The following CNTN4 variants were observed in gnomAD, a reference collection of about 807,000 sequenced individuals.
CNTN4 encodes contactin-4.
CNTN4 carries 77 observed loss-of-function variants against 122.5 expected under a neutral mutation model. That is an observed-to-expected ratio of 0.63 (90% confidence interval 0.52 to 0.76). The LOEUF is 0.76. CNTN4 is among the 30% of genes least tolerant of loss of function. The pLI is 0.00. For missense variants in CNTN4, 1,256 were observed against 1,259.1 expected, an observed-to-expected ratio of 1.00 and a Z score of 0.04; for synonymous variants, 512 against 447.0, an observed-to-expected ratio of 1.15 and a Z score of -1.83.
At chr3:2,842,242 A>G (rs572733053) in intron 7 of CNTN4, among the ~76,000 whole-genome samples, 1 of 152,202 alleles carries the variant, frequency 6.6e-6, no homozygotes, top group Admixed American at 6.5e-5. Context: ...ATGCTGCAAT[A>G]ATCCAAGTAA....
intron 4 of CNTN4, among the ~76,000 whole-genome samples, chr3:2,699,497 T>C (rs2086237282): frequency 1.3e-5 from 2 of 152,204 alleles, no homozygotes; most frequent in Non-Finnish European, 2.9e-5. Flanking sequence ...TGAGAATAGA[T>C]TTGCACCTAA....
intron 3 of CNTN4, among the ~76,000 whole-genome samples, chr3:2,469,431 C>G (rs2075611091): frequency 6.6e-6 from 1 of 152,192 alleles, no homozygotes; most frequent in African/African-American, 2.4e-5. Context: ...CATAGCTGAA[C>G]ATGATGCCTT....
intron 4 of CNTN4, among the ~76,000 whole-genome samples, chr3:2,579,470 A>C (rs978807871): frequency 5.9e-5 from 9 of 152,168 alleles, no homozygotes; most frequent in Non-Finnish European, 8.8e-5. Flanking sequence ...CCGAAATTAC[A>C]TAGATAGGTC....
chr3:2,280,879 G>A (rs943299473), intron 2 of CNTN4, among the ~76,000 whole-genome samples: 1 of 152,144 alleles, frequency 6.6e-6, no homozygotes, highest in East Asian at 1.9e-4. Context: ...GATCATCTGG[G>A]GAATGCACGT....
chr3:2,622,878 T>C (rs898958801), intron 4 of CNTN4, among the ~76,000 whole-genome samples: 4 of 152,186 alleles, frequency 2.6e-5, no homozygotes, highest in Non-Finnish European at 4.4e-5. Context: ...CCAGCACTCT[T>C]AGGGATTAGA....
intron 12 of CNTN4, among the ~76,000 whole-genome samples, chr3:2,917,009 A>C (rs189157744): frequency 8.0e-6 from 1 of 125,178 alleles, no homozygotes. Flanking sequence ...CAGCCTGGGC[A>C]CCATTGAGCA....
chr3:2,304,360 G>A (rs1371284472), intron 2 of CNTN4, among the ~76,000 whole-genome samples: 3 of 152,014 alleles, frequency 2.0e-5, no homozygotes, highest in Non-Finnish European at 4.4e-5. Flanking sequence ...TTAATTACAC[G>A]TTATAAACAT....
chr3:2,323,132 C>A (rs1426497105), intron 2 of CNTN4, among the ~76,000 whole-genome samples: 1 of 152,142 alleles, frequency 6.6e-6, no homozygotes, highest in African/African-American at 2.4e-5. Flanking sequence ...ATAACAACAA[C>A]CATATACCTG....
intron 3 of CNTN4, among the ~76,000 whole-genome samples, chr3:2,439,752 A>G (rs994299839): frequency 2.6e-5 from 4 of 152,106 alleles, no homozygotes; most frequent in Non-Finnish European, 5.9e-5. Flanking sequence ...AGAGAAGAGC[A>G]ATAAAACAGA....
chr3:2,261,319 C>G (rs891221628), intron 2 of CNTN4, among the ~76,000 whole-genome samples: 5 of 152,132 alleles, frequency 3.3e-5, no homozygotes, highest in African/African-American at 1.2e-4. Flanking sequence ...ACGTTGGTTT[C>G]TCTATTACTT....
intron 2 of CNTN4, among the ~76,000 whole-genome samples, chr3:2,180,620 C>A (rs2036973108): frequency 6.6e-6 from 1 of 151,970 alleles, no homozygotes; most frequent in African/African-American, 2.4e-5. Flanking sequence ...TTTCCCAGTC[C>A]AGTTTCTTGA....
intron 3 of CNTN4, among the ~76,000 whole-genome samples, chr3:2,531,960 A>G (rs1417471671): frequency 6.6e-6 from 1 of 152,162 alleles, no homozygotes; most frequent in Non-Finnish European, 1.5e-5. Flanking sequence ...TAGAATTACA[A>G]CTGAGCCAGC....
At chr3:2,249,081 A>G (rs2040266974) in intron 2 of CNTN4, among the ~76,000 whole-genome samples, 1 of 151,980 alleles carries the variant, frequency 6.6e-6, no homozygotes, top group Admixed American at 6.6e-5. Context: ...CATTACATAT[A>G]TTGAAACATC....
At chr3:2,265,967 T>TGG (rs2041027556) in intron 2 of CNTN4, among the ~76,000 whole-genome samples, 1 of 152,092 alleles carries the variant, frequency 6.6e-6, no homozygotes. Context: ...GAGTTTTTCG[T>TGG]GGAGTCTTTA....
intron 3 of CNTN4, among the ~76,000 whole-genome samples, chr3:2,410,613 G>T (rs962645616): frequency 2.6e-5 from 4 of 152,124 alleles, no homozygotes; most frequent in Admixed American, 2.6e-4. Flanking sequence ...ATTGCTGGTG[G>T]TCAAATAAGA....
chr3:2,903,090 A>G, intron 12 of CNTN4, 85 bp downstream of exon 12: 1 of 1,392,290 alleles, frequency 7.2e-7, no homozygotes, highest in Non-Finnish European at 1.0e-6. Context: ...ATAAATGTTC[A>G]ATCCAAGAAA....
chr3:2,504,997 C>G (rs960563341), intron 3 of CNTN4, among the ~76,000 whole-genome samples: 3 of 152,080 alleles, frequency 2.0e-5, no homozygotes, highest in African/African-American at 4.8e-5. Context: ...AAGAACCCAC[C>G]CAGCTATAAA....
intron 24 of CNTN4, among the ~76,000 whole-genome samples, chr3:3,055,515 G>C (rs1004410959): frequency 1.3e-5 from 2 of 152,150 alleles, no homozygotes; most frequent in African/African-American, 4.8e-5. Flanking sequence ...ACAGTTGATA[G>C]CTTCTTACTA....
intron 2 of CNTN4, among the ~76,000 whole-genome samples, chr3:2,216,160 A>G (rs957898466): frequency 1.3e-5 from 2 of 152,230 alleles, no homozygotes; most frequent in Non-Finnish European, 2.9e-5. Context: ...GATAGATTGG[A>G]TAAAGAAAAT....
Sources: allele counts gnomAD v4.1 joint callset (sites outside exome capture counted in the v4.1 genomes callset), GRCh38; gene constraint gnomAD v4.1.1; transcripts MANE v1.5; gene names NCBI Gene and HGNC (gene_info 2026-07-23, HGNC 2026-07-21).